UCK2: variants seen among roughly 807,000 people sequenced by gnomAD.
UCK2 encodes cytidine monophosphokinase 2.
Under a neutral mutation model 30.8 loss-of-function variants are expected in UCK2, and 6 were observed. The ratio of observed to expected loss-of-function variants is 0.19; its 90% CI spans 0.11 to 0.38. The LOEUF (loss-of-function observed/expected upper bound fraction) is 0.38. Among genes scored for constraint, UCK2 ranks in the 10% least tolerant of loss-of-function variants. UCK2 has a pLI of 1.00. For missense variants in UCK2, 210 were observed against 339.8 expected (o/e 0.62, Z 3.00); for synonymous variants, 125 against 133.6 (o/e 0.94, Z 0.45).
chr1:165,874,409 C>T (rs1655281527), intron 1 of UCK2, among the ~76,000 whole-genome samples: 2 of 152,176 alleles, frequency 1.3e-5, no homozygotes, highest in Non-Finnish European at 2.9e-5. Flanking sequence ...CGTCCAGTGG[C>T]AGCGGGCTTG....
At chr1:165,873,607 T>A (rs1557841865) in intron 1 of UCK2, among the ~76,000 whole-genome samples, 2 of 152,230 alleles carry the variant, frequency 1.3e-5, no homozygotes, top group South Asian at 4.1e-4. Context: ...CCCGTTGGGC[T>A]GTCGTAGTTC....
intron 1 of UCK2, among the ~76,000 whole-genome samples, chr1:165,888,642 CTTTTTT>C (rs60874109): frequency 1.5e-4 from 11 of 71,064 alleles, no homozygotes; most frequent in East Asian, 4.1e-4. Flanking sequence ...CTTTCTTCTT[CTTTTTT>C]TTTTTTTTTT....
intron 1 of UCK2, among the ~76,000 whole-genome samples, chr1:165,853,056 C>T (rs994644513): frequency 2.6e-5 from 4 of 152,182 alleles, no homozygotes; most frequent in Non-Finnish European, 5.9e-5. Flanking sequence ...GATCCTTCCT[C>T]TGTGTGAGCT....
In UCK2 at chr1:165,907,852, C is replaced by G. The variant is rs1238694991; in HGVS notation, c.*29C>G. 6.2e-7 allele frequency: 1 copy of G among 1,611,172 alleles called. No homozygotes were observed. On this transcript the variant is annotated 3_prime_UTR_variant, in exon 7 of 7. Transcript: ENST00000367879. ...GTCTCCATCGGACCCCAGCCCCTAT[C>G]TCCAAGAGACAGAGGAGGGGTCAGG... is the stretch of plus-strand genomic sequence containing the variant.
At chr1:165,845,829 A>C (rs1360682749) in intron 1 of UCK2, among the ~76,000 whole-genome samples, 1 of 152,110 alleles carries the variant, frequency 6.6e-6, no homozygotes, top group African/African-American at 2.4e-5. Context: ...CACCATGCCC[A>C]GCTAATTTTA....
chr1:165,828,810 C>T (rs1571259036), intron 1 of UCK2, among the ~76,000 whole-genome samples: 1 of 152,198 alleles, frequency 6.6e-6, no homozygotes, highest in East Asian at 1.9e-4. Flanking sequence ...GTGGAGTCCT[C>T]CCAGATGGTT....
At chr1:165,830,181 T>G (rs967435623) in intron 1 of UCK2, among the ~76,000 whole-genome samples, 1 of 152,014 alleles carries the variant, frequency 6.6e-6, no homozygotes, top group Non-Finnish European at 1.5e-5. Flanking sequence ...AATTTTTTTT[T>G]TTTTGTAGAG....
chr1:165,881,795 A>T (rs1456922176), intron 1 of UCK2, among the ~76,000 whole-genome samples: 1 of 152,232 alleles, frequency 6.6e-6, no homozygotes, highest in Admixed American at 6.5e-5. Context: ...CCAAACATGT[A>T]ATTACATAAA....
intron 1 of UCK2, among the ~76,000 whole-genome samples, chr1:165,885,676 C>G (rs901895610): frequency 7.2e-5 from 11 of 152,190 alleles, no homozygotes; most frequent in Non-Finnish European, 1.5e-4. Context: ...GCAGCTGCAG[C>G]CACTAAGTGT....
intron 1 of UCK2, among the ~76,000 whole-genome samples, chr1:165,888,451 C>G (rs1655677581): frequency 1.3e-5 from 2 of 151,928 alleles, no homozygotes; most frequent in Non-Finnish European, 2.9e-5. Flanking sequence ...GCCACCATGC[C>G]TGGCTAATTT....
intron 3 of UCK2, among the ~76,000 whole-genome samples, chr1:165,892,385 G>A (rs1312670970): frequency 6.6e-6 from 1 of 152,124 alleles, no homozygotes; most frequent in Non-Finnish European, 1.5e-5. Flanking sequence ...AGTCCCCACT[G>A]ACTCTAGCCT....
At chr1:165,843,622 T>A (rs1654380679) in intron 1 of UCK2, among the ~76,000 whole-genome samples, 1 of 151,816 alleles carries the variant, frequency 6.6e-6, no homozygotes. Flanking sequence ...CTACAAAAAA[T>A]AAGTAATGAG....
At chr1:165,829,444 C>T (rs1653987294) in intron 1 of UCK2, among the ~76,000 whole-genome samples, 1 of 152,120 alleles carries the variant, frequency 6.6e-6, no homozygotes, top group Admixed American at 6.5e-5. Context: ...GCTGTTTTCC[C>T]AGCCCTCCTA....
At chr1:165,828,266 T>G (rs2101844143) in intron 1 of UCK2, among the ~76,000 whole-genome samples, 1 of 152,198 alleles carries the variant, frequency 6.6e-6, no homozygotes, top group Admixed American at 6.5e-5. Flanking sequence ...GTTTTGCAAC[T>G]CCAGTGTCGG....
chr1:165,851,337 T>C (rs1235343139), intron 1 of UCK2, among the ~76,000 whole-genome samples: 2 of 152,244 alleles, frequency 1.3e-5, no homozygotes, highest in African/African-American at 4.8e-5. Flanking sequence ...TTGTCTACTT[T>C]CTTTTGAACA....
chr1:165,840,840 A>G (rs1032058032), intron 1 of UCK2, among the ~76,000 whole-genome samples: 1 of 152,176 alleles, frequency 6.6e-6, no homozygotes, highest in African/African-American at 2.4e-5. Flanking sequence ...ACAGTTTATT[A>G]GCATCTTTTT....
In UCK2 at chr1:165,835,313, A is replaced by G. The variant is rs1654160707; in HGVS notation, c.99+7381A>G. Among the ~76,000 whole-genome samples, 2 of 151,560 alleles carry G rather than the reference A, an allele frequency of 1.3e-5. 1 individual carries two copies. The highest frequency in any genetic ancestry group is 4.2e-4 in the South Asian group (2 of 4,812). On this transcript the variant is annotated intron_variant, in intron 1 of 6. Coordinates refer to ENST00000367879, the MANE Select transcript of UCK2 (RefSeq NM_012474.5). ...TTCTTCATCCCATTTTGCACATATA[A>G]TATATATATTTTTATATGTTGTAAA...
chr1:165,849,712 T>G (rs544624719), intron 1 of UCK2, among the ~76,000 whole-genome samples: 1 of 152,360 alleles, frequency 6.6e-6, no homozygotes, highest in Non-Finnish European at 1.5e-5. Context: ...GAACCAATTT[T>G]GGAGAGTGAT....
At chr1:165,849,278 A>G (rs549392566) in intron 1 of UCK2, among the ~76,000 whole-genome samples, 4 of 152,282 alleles carry the variant, frequency 2.6e-5, no homozygotes, top group East Asian at 1.9e-4. Flanking sequence ...GTGTTTACCA[A>G]TGAACTAGGT....
Sources: allele counts gnomAD v4.1 joint callset (sites outside exome capture counted in the v4.1 genomes callset), GRCh38; gene constraint gnomAD v4.1.1; transcripts MANE v1.5; gene names NCBI Gene and HGNC (gene_info 2026-07-23, HGNC 2026-07-21).